SLC5A4: variants seen among roughly 807,000 people sequenced by gnomAD.
SLC5A4 encodes the protein solute carrier family 5 member 4, also known as probable glucose sensor protein SLC5A4.
In SLC5A4, 55 loss-of-function variants were observed where a neutral mutation model predicts 70.3. The observed-to-expected ratio is 0.78, with a 90% CI of 0.63 to 0.98. SLC5A4 has a LOEUF of 0.98. Ranked by LOEUF, SLC5A4 falls within the 50% of genes least tolerant of loss-of-function variation. The probability of loss-of-function intolerance (pLI) is 0.00; values close to 1 mark genes in which losing one functional copy is unlikely to be tolerated. For synonymous variants in SLC5A4, 268 were observed against 305.7 expected (o/e 0.88, Z 1.29); for missense variants, 735 against 839.2 (o/e 0.88, Z 1.53).
At chr22:32,290,130 G>A in the SLC5A4 span, among the ~76,000 whole-genome samples, 10 of 152,062 alleles carry the variant, frequency 6.6e-5, no homozygotes, top group Non-Finnish European at 1.5e-4. Context: ...TGTACAGAAT[G>A]TGCAGGTTTG....
the SLC5A4 span, among the ~76,000 whole-genome samples, chr22:32,310,837 A>C: frequency 0.12 from 18,351 of 152,262 alleles, 1,501 homozygotes; most frequent in Non-Finnish European, 0.18. Context: ...TGCCCTAGCA[A>C]GTTTGTTCTG....
chr22:32,333,558 C>T, the SLC5A4 span, among the ~76,000 whole-genome samples: 2 of 152,032 alleles, frequency 1.3e-5, no homozygotes, highest in Non-Finnish European at 2.9e-5. Context: ...GCACTGTGGC[C>T]CTGATCATCG....
chr22:32,272,657 CA>C, the SLC5A4 span: 1 of 570,444 alleles, frequency 1.8e-6, no homozygotes, highest in Non-Finnish European at 3.2e-6. Flanking sequence ...TGCCTGAAGC[CA>C]AGGAGAGTTT....
intron 13 of SLC5A4, among the ~76,000 whole-genome samples, chr22:32,223,315 A>ATTGT (rs1925197472): frequency 6.6e-6 from 1 of 152,188 alleles, no homozygotes; most frequent in African/African-American, 2.4e-5. Flanking sequence ...TAAAACTGGG[A>ATTGT]TTGTTGTTTC....
At chr22:32,343,749 T>TTAA in the SLC5A4 span, among the ~76,000 whole-genome samples, 4 of 152,200 alleles carry the variant, frequency 2.6e-5, no homozygotes, top group African/African-American at 9.6e-5. Context: ...AGATAAATTA[T>TTAA]CAATTAGAAA....
the SLC5A4 span, among the ~76,000 whole-genome samples, chr22:32,322,572 C>T: frequency 7.3e-6 from 1 of 137,698 alleles, no homozygotes; most frequent in Non-Finnish European, 1.5e-5. Flanking sequence ...GGCAACAGAG[C>T]AAGACTCTGT....
intron 7 of SLC5A4, among the ~76,000 whole-genome samples, chr22:32,236,212 G>A (rs1244203109): frequency 2.0e-5 from 3 of 152,190 alleles, no homozygotes; most frequent in Non-Finnish European, 2.9e-5. Flanking sequence ...GAAATGTTCC[G>A]TATCCATGCC....
chr22:32,243,841 T>C (rs1265259081), intron 5 of SLC5A4, among the ~76,000 whole-genome samples: 2 of 152,040 alleles, frequency 1.3e-5, no homozygotes, highest in Non-Finnish European at 2.9e-5. Context: ...AGAAAAAAAT[T>C]AGCCGAGCGT....
chr22:32,266,572 T>G, the SLC5A4 span, among the ~76,000 whole-genome samples: 1 of 152,180 alleles, frequency 6.6e-6, no homozygotes, highest in Admixed American at 6.5e-5. Flanking sequence ...AAGAAAAAAT[T>G]ATAAATACTG....
the SLC5A4 span, among the ~76,000 whole-genome samples, chr22:32,285,728 T>A: frequency 0.012 from 1,768 of 147,500 alleles, 41 homozygotes; most frequent in African/African-American, 0.041. Context: ...TTTTATTTTA[T>A]TTTTTATTTT....
intron 1 of SLC5A4, 65 bp downstream of exon 1, chr22:32,255,130 C>T: frequency 8.5e-7 from 1 of 1,176,190 alleles, no homozygotes; most frequent in Non-Finnish European, 1.3e-6. Flanking sequence ...CACACCCCTT[C>T]CCCCCTTAAG....
At chr22:32,338,547 G>A in the SLC5A4 span, among the ~76,000 whole-genome samples, 2 of 151,998 alleles carry the variant, frequency 1.3e-5, no homozygotes, top group African/African-American at 4.8e-5. Context: ...CGCCTGTAAT[G>A]CCAGCTACTC....
intron 1 of SLC5A4, 51 bp downstream of exon 1, chr22:32,255,144 C>A: frequency 2.0e-6 from 3 of 1,522,586 alleles, no homozygotes; most frequent in African/African-American, 1.4e-5. Flanking sequence ...CCTTAAGATA[C>A]CCCCTCCTAA....
chr22:32,285,447 T>C, the SLC5A4 span, among the ~76,000 whole-genome samples: 1 of 152,170 alleles, frequency 6.6e-6, no homozygotes, highest in Non-Finnish European at 1.5e-5. Context: ...TTTGTGCATG[T>C]TCTCTGTATC....
intron 4 of SLC5A4, 120 bp from the exon 5 acceptor site, chr22:32,247,635 T>G (rs1926907430): frequency 1.5e-6 from 1 of 688,800 alleles, no homozygotes; most frequent in Admixed American, 2.2e-5. Flanking sequence ...TTCCTGGTGA[T>G]GGAACCATGG....
chr22:32,231,948 ATAGTTCACTG>A (rs1221339989), intron 9 of SLC5A4, among the ~76,000 whole-genome samples: 4 of 151,918 alleles, frequency 2.6e-5, no homozygotes, highest in Non-Finnish European at 4.4e-5. Context: ...TGGTGCAATC[ATAGTTCACTG>A]TAGCCTTGAA....
In SLC5A4 at chr22:32,218,696, T is replaced by C; in HGVS notation, c.1798A>G (p.Lys600Glu). ...CCGCAGAACAAGTCATAAGCTTTCT[T>C]GAGGCATCCACGTGATTTCTCAGGA... is the stretch of plus-strand genomic sequence containing the variant. ...DYPEKSRGCL[K>E]KAYDLFCGLQ... Residue 600 changes from lysine (K) to glutamate (E), a missense_variant, in exon 15 of 15, where the codon AAG becomes GAG. Coordinates refer to ENST00000266086, the MANE Select transcript of SLC5A4 (RefSeq NM_014227.3). The C allele has an allele frequency of 5.0e-6, 8 of 1,614,038 alleles. No homozygotes were observed. The highest frequency in any genetic ancestry group is 6.8e-6 in the Non-Finnish European group (8 of 1,179,988).
At chr22:32,274,658 T>C in the SLC5A4 span, among the ~76,000 whole-genome samples, 1 of 152,144 alleles carries the variant, frequency 6.6e-6, no homozygotes, top group Non-Finnish European at 1.5e-5. Context: ...ATGAGCCACC[T>C]GGGAAATGCT....
At chr22:32,240,022 C>CA (rs35616277) in intron 5 of SLC5A4, among the ~76,000 whole-genome samples, 7,064 of 73,822 alleles carry the variant, frequency 0.096, 341 homozygotes, top group African/African-American at 0.16. Flanking sequence ...GACTCCATCT[C>CA]AAAAAAAAAA....
Sources: gnomAD v4.1 joint callset for allele counts (sites outside exome capture counted in the v4.1 genomes callset) on GRCh38, gnomAD v4.1.1 for gene constraint, MANE v1.5 for transcripts, NCBI Gene and HGNC (gene_info 2026-07-23, HGNC 2026-07-21) for gene names.